Variants in HTR4 observed in about 807,000 individuals in gnomAD.
The protein encoded by HTR4 is 5-hydroxytryptamine (serotonin) receptor 4, G protein-coupled.
A neutral mutation model predicts 36.8 loss-of-function variants in HTR4; 16 were observed. The observed-to-expected ratio is 0.43, with a 90% CI of 0.29 to 0.66. HTR4 has a LOEUF of 0.66. HTR4 is among the 30% of genes least tolerant of loss of function. HTR4 has a pLI of 0.13. For missense variants in HTR4, 438 were observed against 490.9 expected, an observed-to-expected ratio of 0.89 and a Z score of 1.02; for synonymous variants, 189 against 185.1, an observed-to-expected ratio of 1.02 and a Z score of -0.17.
At chr5:148,535,181 T>C (rs925337075) in intron 4 of HTR4, among the ~76,000 whole-genome samples, 1 of 152,130 alleles carries the variant, frequency 6.6e-6, no homozygotes, top group African/African-American at 2.4e-5. Context: ...AAATAAAGAC[T>C]GTACACAATG....
chr5:148,483,717 G>A (rs1308170025), intron 6 of HTR4, among the ~76,000 whole-genome samples: 1 of 152,156 alleles, frequency 6.6e-6, no homozygotes, highest in South Asian at 2.1e-4. Context: ...TATGGTACTA[G>A]GAAAGTGCAC....
At chr5:148,613,661 G>A (rs1752537086) in intron 2 of HTR4, among the ~76,000 whole-genome samples, 1 of 150,234 alleles carries the variant, frequency 6.7e-6, no homozygotes, top group African/African-American at 2.5e-5. Flanking sequence ...ATTCAACATA[G>A]TGTTGGAAGT....
rs1754122711 is a variant in HTR4, at chr5:148,654,088, T to C, written c.-74A>G. ...CGCTGCCAGAGGCGAGGGAGCGAGG[T>C]GCCCTGGCAGATTCGAGCGGCCACC... On this transcript the variant is annotated 5_prime_UTR_variant, in exon 1 of 7. Transcript: ENST00000377888. The C allele has an allele frequency of 1.0e-6, 1 of 984,954 alleles. No individual in the cohort carries two copies. The highest frequency in any genetic ancestry group is 1.8e-5 in the African/African-American group (1 of 57,092). 61.0% of individuals were successfully genotyped at this position (984,954 alleles called of 1,614,324 possible).
chr5:148,478,202 T>C (rs1442167421), downstream of HTR4, among the ~76,000 whole-genome samples: 1 of 152,188 alleles, frequency 6.6e-6, no homozygotes, highest in Non-Finnish European at 1.5e-5. Flanking sequence ...CTATAGCAAA[T>C]AGAAATCACC....
intron 5 of HTR4, among the ~76,000 whole-genome samples, chr5:148,455,302 C>A (rs1755074054): frequency 6.6e-6 from 1 of 152,158 alleles, no homozygotes; most frequent in Admixed American, 6.5e-5. Context: ...ATCACTTTCA[C>A]TGGCAAGCAA....
intron 1 of HTR4, among the ~76,000 whole-genome samples, chr5:148,653,343 C>G (rs1171764161): frequency 6.6e-6 from 1 of 152,166 alleles, no homozygotes; most frequent in East Asian, 1.9e-4. Context: ...ACTTTTTGAC[C>G]TCTGCCAGCT....
At position 148,518,586 on chromosome 5, in the gene HTR4, T is replaced by A. The variant is rs555853758; in HGVS notation, c.507+4607A>T. ...TAGCCAGAATGATTCTTTTAAAACA[T>A]AGGGCAAATAATGTCATTCCTCTCA... is the stretch of plus-strand genomic sequence containing the variant. On this transcript the variant is annotated intron_variant, in intron 5 of 6. Coordinates refer to ENST00000377888, the MANE Select transcript of HTR4 (RefSeq NM_000870.7). 7.9e-5 allele frequency among the ~76,000 whole-genome samples: 12 copies of A among 152,262 alleles called. 1 individual carries two copies. In the South Asian group the frequency reaches 2.5e-3, roughly 32 times the overall value.
At chr5:148,591,471 A>T (rs886331352) in intron 2 of HTR4, among the ~76,000 whole-genome samples, 8 of 152,116 alleles carry the variant, frequency 5.3e-5, no homozygotes, top group African/African-American at 1.9e-4. Flanking sequence ...TGAGCATGAG[A>T]TGTTTTTCCA....
intron 2 of HTR4, among the ~76,000 whole-genome samples, chr5:148,613,276 C>T (rs1042310762): frequency 7.5e-6 from 1 of 132,952 alleles, no homozygotes; most frequent in Non-Finnish European, 1.6e-5. Flanking sequence ...ATGCAAAAAT[C>T]CTCAATAAAA....
chr5:148,568,789 A>G (rs1398308703), intron 2 of HTR4, among the ~76,000 whole-genome samples: 1 of 152,142 alleles, frequency 6.6e-6, no homozygotes, highest in African/African-American at 2.4e-5. Context: ...CATTTTTAAC[A>G]TATCTATTCT....
chr5:148,638,751 C>G (rs1404661699), intron 1 of HTR4, among the ~76,000 whole-genome samples: 4 of 152,144 alleles, frequency 2.6e-5, no homozygotes, highest in Admixed American at 1.3e-4. Context: ...AACTCATTCT[C>G]TCTACTTTGA....
At chr5:148,614,554 G>A (rs1369205672) in intron 2 of HTR4, among the ~76,000 whole-genome samples, 6 of 152,088 alleles carry the variant, frequency 3.9e-5, no homozygotes, top group Admixed American at 3.3e-4. Flanking sequence ...AGACTTAAAC[G>A]TTAGACCTAA....
At chr5:148,607,992 T>C (rs996472012) in intron 2 of HTR4, among the ~76,000 whole-genome samples, 2 of 152,156 alleles carry the variant, frequency 1.3e-5, no homozygotes, top group African/African-American at 4.8e-5. Flanking sequence ...GGGCGACGGC[T>C]AAGATGAGGA....
intron 2 of HTR4, among the ~76,000 whole-genome samples, chr5:148,610,119 CTG>C (rs1328140457): frequency 6.6e-6 from 1 of 152,142 alleles, no homozygotes; most frequent in East Asian, 1.9e-4. Flanking sequence ...TCACAACTAT[CTG>C]AGAAAAAGAG....
At chr5:148,545,216 C>T (rs568611174) in intron 4 of HTR4, among the ~76,000 whole-genome samples, 19 of 152,292 alleles carry the variant, frequency 1.2e-4, no homozygotes, top group Admixed American at 1.2e-3. Flanking sequence ...GAAAATAAAA[C>T]AAAAGAAACC....
chr5:148,589,880 A>G (rs1056516721), intron 2 of HTR4, among the ~76,000 whole-genome samples: 6 of 152,074 alleles, frequency 3.9e-5, no homozygotes, highest in African/African-American at 1.2e-4. Context: ...TCTTTCAGCA[A>G]TTTTTAAGTA....
At chr5:148,451,766 T>C (rs1754979417) in intron 5 of HTR4, among the ~76,000 whole-genome samples, 1 of 152,182 alleles carries the variant, frequency 6.6e-6, no homozygotes, top group Non-Finnish European at 1.5e-5. Flanking sequence ...GAACAGTAAA[T>C]CAATTAGATG....
chr5:148,482,543 C>A lies in HTR4; in HGVS notation c.*660G>T. 1.0e-6 allele frequency: 1 copy of A among 985,862 alleles called. No homozygotes were observed. 61.1% of individuals were successfully genotyped at this position (985,862 alleles called of 1,614,324 possible). On this transcript the variant is annotated 3_prime_UTR_variant, in exon 7 of 7. Transcript: ENST00000377888. ...TCCATGGAAAATAAATGGAGCATGT[C>A]CTGAAGAGGAGGACAGACATTGGAC...
At chr5:148,544,261 TTCTC>T (rs1006576937) in intron 4 of HTR4, among the ~76,000 whole-genome samples, 31 of 150,108 alleles carry the variant, frequency 2.1e-4, no homozygotes, top group African/African-American at 7.6e-4. Context: ...CTCTCTTTCT[TTCTC>T]TCTCTCTCTC....
Sources: gnomAD v4.1 joint callset for allele counts (sites outside exome capture counted in the v4.1 genomes callset) on GRCh38, gnomAD v4.1.1 for gene constraint, MANE v1.5 for transcripts, NCBI Gene and HGNC (gene_info 2026-07-23, HGNC 2026-07-21) for gene names.